The following NDRG1 variants were observed in gnomAD, a reference collection of about 807,000 sequenced individuals.
The protein encoded by NDRG1 is N-myc downstream regulated 1.
NDRG1 carries 32 observed loss-of-function variants against 56.9 expected under a neutral mutation model. That is an observed-to-expected ratio of 0.56 (90% CI 0.42 to 0.76). NDRG1 has a LOEUF of 0.76. NDRG1 is among the 30% of genes least tolerant of loss of function. The probability of loss-of-function intolerance (pLI) is 0.00; values close to 1 mark genes in which losing one functional copy is unlikely to be tolerated. For synonymous variants in NDRG1, 211 were observed against 204.1 expected (o/e 1.03, Z -0.29); for missense variants, 507 against 545.7 (o/e 0.93, Z 0.71).
At chr8:133,276,742 A>G (rs1437167921) in intron 3 of NDRG1, among the ~76,000 whole-genome samples, 1 of 152,238 alleles carries the variant, frequency 6.6e-6, no homozygotes, top group African/African-American at 2.4e-5. Flanking sequence ...CTGTGAGTCC[A>G]TTAAACCTCT....
intron 15 of NDRG1, 167 bp from the exon 16 acceptor site, chr8:133,239,286 G>A (rs1564277621): frequency 4.5e-6 from 5 of 1,101,154 alleles, no homozygotes; most frequent in Non-Finnish European, 6.5e-6. Flanking sequence ...TCCACTCGGA[G>A]AGAGAGATGG....
chr8:133,246,987 T>G (rs1855721992), intron 12 of NDRG1, among the ~76,000 whole-genome samples: 1 of 152,216 alleles, frequency 6.6e-6, no homozygotes, highest in African/African-American at 2.4e-5. Flanking sequence ...ACCTGCTAAA[T>G]AAATATCCTT....
In NDRG1 at chr8:133,258,599, C is replaced by T. The variant is rs1055434562; in HGVS notation, c.390-173G>A. Among the ~76,000 whole-genome samples, 4 of 152,204 alleles carry T rather than the reference C, an allele frequency of 2.6e-5. No individual in the cohort carries two copies. The South Asian group carries it at 8.3e-4, about 31-fold the overall frequency. ...ATGCTTTAGGACTGGACAGAGACCTCGACCTTGGAGAGCCGCGCCCCTTCT... is the reference window on the plus strand; with the variant it reads ...ATGCTTTAGGACTGGACAGAGACCTTGACCTTGGAGAGCCGCGCCCCTTCT... On this transcript the variant is annotated intron_variant, in intron 6 of 15. Coordinates refer to ENST00000323851, the MANE Select transcript of NDRG1 (RefSeq NM_006096.4).
intron 1 of NDRG1, among the ~76,000 whole-genome samples, chr8:133,287,037 A>C (rs905989983): frequency 6.6e-6 from 1 of 152,166 alleles, no homozygotes; most frequent in Non-Finnish European, 1.5e-5. Flanking sequence ...CCCTCACCTC[A>C]GTTCTCCCGA....
chr8:133,268,785 G>A (rs1003406073), intron 3 of NDRG1, among the ~76,000 whole-genome samples: 7 of 151,890 alleles, frequency 4.6e-5, no homozygotes, highest in African/African-American at 1.7e-4. Context: ...TCAGTTCCTG[G>A]CCCCCCAGCA....
At chr8:133,291,368 A>C (rs1858420358) in intron 1 of NDRG1, among the ~76,000 whole-genome samples, 1 of 152,164 alleles carries the variant, frequency 6.6e-6, no homozygotes, top group Non-Finnish European at 1.5e-5. Context: ...CTCAAGGAAA[A>C]CCACCTTGAG....
At position 133,264,639 on chromosome 8, in the gene NDRG1, T is replaced by C. The variant is rs770491623; in HGVS notation, c.113A>G (p.Glu38Gly). The C allele has an allele frequency of 6.2e-7, 1 of 1,614,162 alleles. No homozygotes were observed. Among genetic ancestry groups the C allele is most frequent in the South Asian group, 1.1e-5 (1 of 91,088 alleles). Residue 38 changes from glutamate to glycine, a missense_variant, in exon 4 of 16, where the codon GAG becomes GGG. Physicochemically the swap from Glu to Gly is moderately conservative, Grantham distance 98. Transcript: ENST00000323851. ...GACGTGAACAGAGCCATGTAAAGTC[T>C]CGATGTCCTGCTCCTGAGGAGACAC... is the stretch of plus-strand genomic sequence containing the variant. The part of the protein sequence containing the change: ...QEFDVQEQDI[E>G]TLHGSVHVTL...
At position 133,274,039 on chromosome 8, in the gene NDRG1, GGTTCTGGAATCTTTTCA is replaced by G. The variant is rs568247711; in HGVS notation, c.99+6176_99+6192del. Among the ~76,000 whole-genome samples, 76 of 152,308 alleles carry G rather than the reference GGTTCTGGAATCTTTTCA, an allele frequency of 5.0e-4. 1 individual carries two copies. In the South Asian group the frequency reaches 0.013, roughly 27 times the overall value. On this transcript the variant is annotated intron_variant, in intron 3 of 15. Transcript: ENST00000323851. ...CAGCCCGCCCACCCCGTGCCCTGAGGGTTCTGGAATCTTTTCAGGAACCAGAGCCAGGTGGGGGCCTG... is the reference window on the plus strand; with the variant it reads ...CAGCCCGCCCACCCCGTGCCCTGAGGGGAACCAGAGCCAGGTGGGGGCCTG...
At chr8:133,241,839 G>A (rs975768559) in intron 15 of NDRG1, 184 bp downstream of exon 15, 2 of 676,278 alleles carry the variant, frequency 3.0e-6, no homozygotes, top group Non-Finnish European at 5.2e-6. Context: ...GAGCCTCACT[G>A]ATAAATGAGA....
intron 7 of NDRG1, 91 bp from the exon 8 acceptor site, chr8:133,256,954 C>T: frequency 7.9e-7 from 1 of 1,270,534 alleles, no homozygotes. Flanking sequence ...AGAGAAGTAC[C>T]CAGAAAAAGG....
intron 15 of NDRG1, chr8:133,240,628 T>G (rs972493077): frequency 1.3e-5 from 2 of 152,226 alleles, no homozygotes; most frequent in African/African-American, 2.4e-5. Flanking sequence ...TTTCCTTCTC[T>G]TTGGCTGATG....
At chr8:133,274,441 T>G (rs966177575) in intron 3 of NDRG1, among the ~76,000 whole-genome samples, 5 of 152,214 alleles carry the variant, frequency 3.3e-5, no homozygotes, top group African/African-American at 1.2e-4. Flanking sequence ...TCGGCTGCTT[T>G]CAGATACACA....
chr8:133,252,188 C>G (rs1856090131), intron 9 of NDRG1, among the ~76,000 whole-genome samples: 1 of 152,146 alleles, frequency 6.6e-6, no homozygotes, highest in African/African-American at 2.4e-5. Flanking sequence ...CTCTGCCTCC[C>G]AGGTTCAAGT....
chr8:133,246,566 G>C, intron 13 of NDRG1, 50 bp downstream of exon 13: 1 of 1,585,348 alleles, frequency 6.3e-7, no homozygotes, highest in Non-Finnish European at 8.7e-7. Context: ...GAAAACGTCT[G>C]AGAGTTTCTA....
chr8:133,240,353 AGGGAG>A lies in NDRG1; in HGVS notation c.944-1239_944-1235del, dbSNP rs1855310980. On this transcript the variant is annotated intron_variant, in intron 15 of 15. Coordinates refer to ENST00000323851, the MANE Select transcript of NDRG1 (RefSeq NM_006096.4). ...CTTATGTTATCTCCTTGATAGGCAC[AGGGAG>A]GGGCTTTTGATGTCAGGCACTCCCA... The A allele has an allele frequency of 2.0e-5, 3 of 152,228 alleles. 1 individual carries two copies. In the South Asian group the frequency reaches 6.2e-4, roughly 31 times the overall value. 9.4% of individuals were successfully genotyped at this position (152,228 alleles called of 1,614,324 possible). A position where few individuals can be genotyped will look rare whatever the true frequency, so the allele number is the denominator to read the frequency against.
chr8:133,253,111 C>T (rs1382879270), intron 9 of NDRG1, among the ~76,000 whole-genome samples: 1 of 152,254 alleles, frequency 6.6e-6, no homozygotes, highest in Non-Finnish European at 1.5e-5. Flanking sequence ...AGACCCTGGG[C>T]TTGCAACCAA....
chr8:133,244,789 T>A (rs1855576850), intron 13 of NDRG1: 1 of 324,620 alleles, frequency 3.1e-6, no homozygotes, highest in South Asian at 3.4e-5. Context: ...ACCCTCTTCA[T>A]ATATTCCCTT....
intron 8 of NDRG1, 83 bp from the exon 9 acceptor site, chr8:133,254,678 G>GCACC: frequency 1.4e-6 from 2 of 1,402,026 alleles, no homozygotes; most frequent in Non-Finnish European, 2.0e-6. Context: ...TTCCCTGGGT[G>GCACC]CAGGGTGGCA....
intron 10 of NDRG1, chr8:133,249,254 T>C (rs1175889315): frequency 4.3e-6 from 1 of 230,340 alleles, no homozygotes; most frequent in East Asian, 1.0e-4. Context: ...TGTGGTGGTT[T>C]CCCACTGCAC....
Sources: allele counts gnomAD v4.1 joint callset (sites outside exome capture counted in the v4.1 genomes callset), GRCh38; gene constraint gnomAD v4.1.1; transcripts MANE v1.5; gene names NCBI Gene and HGNC (gene_info 2026-07-23, HGNC 2026-07-21).